Variants in GRIA1 observed in about 807,000 individuals in gnomAD.
GRIA1 encodes the protein glutamate receptor 1.
In GRIA1, 31 loss-of-function variants were observed where a neutral mutation model predicts 99.2. That is an observed-to-expected ratio of 0.31 (90% CI 0.23 to 0.42). The LOEUF is 0.42. Among genes scored for constraint, GRIA1 ranks in the 10% least tolerant of loss-of-function variants. GRIA1 has a pLI of 1.00. For missense variants in GRIA1, 782 were observed against 1,157.5 expected (o/e 0.68, Z 4.71); for synonymous variants, 438 against 432.4 (o/e 1.01, Z -0.16).
At chr5:153,512,538 A>G (rs904978699) in intron 2 of GRIA1, among the ~76,000 whole-genome samples, 4 of 152,220 alleles carry the variant, frequency 2.6e-5, no homozygotes, top group Admixed American at 2.6e-4. Flanking sequence ...ACTCCACACG[A>G]CAGAGCCCAT....
At chr5:153,734,631 T>C (rs1761257436) in intron 11 of GRIA1, among the ~76,000 whole-genome samples, 1 of 152,138 alleles carries the variant, frequency 6.6e-6, no homozygotes. Context: ...ACAATTACAA[T>C]GTATTGTGAT....
chr5:153,494,959 C>T (rs1754267391), intron 2 of GRIA1, among the ~76,000 whole-genome samples: 1 of 152,128 alleles, frequency 6.6e-6, no homozygotes, highest in African/African-American at 2.4e-5. Context: ...TCACTATTGA[C>T]TTGGTGACTT....
chr5:153,803,703 C>T (rs1766207445), intron 15 of GRIA1, among the ~76,000 whole-genome samples: 1 of 152,120 alleles, frequency 6.6e-6, no homozygotes, highest in Non-Finnish European at 1.5e-5. Context: ...ACAAGACTAA[C>T]AAGATCCCTT....
At chr5:153,718,220 A>G (rs1472191374) in intron 11 of GRIA1, among the ~76,000 whole-genome samples, 1 of 152,242 alleles carries the variant, frequency 6.6e-6, no homozygotes, top group Non-Finnish European at 1.5e-5. Context: ...AGAAAAATAG[A>G]TAATAAAGCA....
At chr5:153,616,178 C>T (rs1294947050) in intron 2 of GRIA1, among the ~76,000 whole-genome samples, 1 of 152,152 alleles carries the variant, frequency 6.6e-6, no homozygotes, top group Non-Finnish European at 1.5e-5. Flanking sequence ...AATACTCCAT[C>T]CCTCACCTGC....
intron 2 of GRIA1, among the ~76,000 whole-genome samples, chr5:153,618,630 C>G (rs1018741636): frequency 2.0e-5 from 3 of 152,140 alleles, no homozygotes; most frequent in African/African-American, 7.2e-5. Flanking sequence ...TGAAAACAAA[C>G]AGAGCACCCT....
chr5:153,540,024 G>C (rs554052310), intron 2 of GRIA1, among the ~76,000 whole-genome samples: 1 of 152,322 alleles, frequency 6.6e-6, no homozygotes, highest in South Asian at 2.1e-4. Flanking sequence ...AGTTTTCTCT[G>C]AAAATCTGTG....
chr5:153,588,542 G>A (rs1239657904), intron 2 of GRIA1, among the ~76,000 whole-genome samples: 1 of 152,234 alleles, frequency 6.6e-6, no homozygotes, highest in African/African-American at 2.4e-5. Flanking sequence ...GAGCTTTGGA[G>A]TCAAATAGCT....
At chr5:153,688,886 A>T (rs894166203) in intron 8 of GRIA1, among the ~76,000 whole-genome samples, 2 of 151,866 alleles carry the variant, frequency 1.3e-5, no homozygotes, top group African/African-American at 2.4e-5. Flanking sequence ...CACCTGGCTA[A>T]TTTTTGTATT....
At chr5:153,796,456 CA>C (rs1286092421) in intron 14 of GRIA1, among the ~76,000 whole-genome samples, 3 of 152,056 alleles carry the variant, frequency 2.0e-5, no homozygotes, top group African/African-American at 4.8e-5. Flanking sequence ...ATAATGACAA[CA>C]AAAAAATATT....
intron 2 of GRIA1, among the ~76,000 whole-genome samples, chr5:153,537,228 C>G (rs942515570): frequency 6.6e-6 from 1 of 152,174 alleles, no homozygotes; most frequent in Non-Finnish European, 1.5e-5. Context: ...ATATCCCTGG[C>G]TCCTGACACA....
chr5:153,552,742 T>C (rs1760267618), intron 2 of GRIA1, among the ~76,000 whole-genome samples: 3 of 152,244 alleles, frequency 2.0e-5, no homozygotes, highest in South Asian at 4.1e-4. Flanking sequence ...GGGGGCAGGG[T>C]CTAAGGTTTA....
At chr5:153,802,330 C>CT in intron 14 of GRIA1, 26 bp from the exon 15 acceptor site, 1 of 1,612,454 alleles carries the variant, frequency 6.2e-7, no homozygotes, top group South Asian at 1.1e-5. Flanking sequence ...TCCCCCTCCC[C>CT]TTCCTTTCCC....
chr5:153,562,798 A>G (rs114046715), intron 2 of GRIA1, among the ~76,000 whole-genome samples: 2 of 152,156 alleles, frequency 1.3e-5, no homozygotes, highest in African/African-American at 2.4e-5. Flanking sequence ...CACACATATG[A>G]CTAGGACTTT....
intron 2 of GRIA1, among the ~76,000 whole-genome samples, chr5:153,602,144 T>C (rs1199220148): frequency 3.3e-5 from 5 of 152,178 alleles, no homozygotes; most frequent in Non-Finnish European, 5.9e-5. Context: ...TGTCCAACAA[T>C]GATAGACTGG....
At chr5:153,639,742 A>C (rs1411126838) in intron 2 of GRIA1, among the ~76,000 whole-genome samples, 1 of 152,160 alleles carries the variant, frequency 6.6e-6, no homozygotes, top group Non-Finnish European at 1.5e-5. Flanking sequence ...TACCCCTAGC[A>C]CCAGCTTGCT....
At chr5:153,549,143 T>C in intron 2 of GRIA1, among the ~76,000 whole-genome samples, 1 of 152,296 alleles carries the variant, frequency 6.6e-6, no homozygotes, top group South Asian at 2.1e-4. Flanking sequence ...TCCCCCTCCT[T>C]TCAACCAGGT....
chr5:153,499,448 T>C (rs924864574), intron 2 of GRIA1, among the ~76,000 whole-genome samples: 1 of 151,632 alleles, frequency 6.6e-6, no homozygotes, highest in African/African-American at 2.4e-5. Flanking sequence ...ACCCCATCTC[T>C]ACTAAAAATA....
intron 11 of GRIA1, among the ~76,000 whole-genome samples, chr5:153,757,333 A>T (rs562651591): frequency 2.0e-5 from 3 of 152,318 alleles, no homozygotes; most frequent in African/African-American, 7.2e-5. Flanking sequence ...TATTTGGGTC[A>T]TTGAAGTTCA....
Sources: gnomAD v4.1 joint callset for allele counts (sites outside exome capture counted in the v4.1 genomes callset) on GRCh38, gnomAD v4.1.1 for gene constraint, MANE v1.5 for transcripts, NCBI Gene and HGNC (gene_info 2026-07-23, HGNC 2026-07-21) for gene names.